The following VPS13B variants were observed in gnomAD, a reference collection of about 807,000 sequenced individuals.
VPS13B encodes vacuolar protein sorting 13 homolog B.
In VPS13B, 285 loss-of-function variants were observed where a neutral mutation model predicts 426.4. The observed-to-expected ratio is 0.67, with a 90% CI of 0.61 to 0.74. The LOEUF is 0.74. Ranked by LOEUF, VPS13B falls within the 30% of genes least tolerant of loss-of-function variation. The pLI is 0.00. For synonymous variants in VPS13B, 1,676 were observed against 1,676.4 expected, an observed-to-expected ratio of 1.00 and a Z score of 0.01; for missense variants, 4,537 against 4,782.6, an observed-to-expected ratio of 0.95 and a Z score of 1.51.
intron 24 of VPS13B, among the ~76,000 whole-genome samples, chr8:99,471,043 C>T (rs1019810182): frequency 1.3e-5 from 2 of 151,866 alleles, no homozygotes; most frequent in Non-Finnish European, 2.9e-5. Context: ...AACTGTTAAC[C>T]TAGTGAAGAT....
intron 17 of VPS13B, among the ~76,000 whole-genome samples, chr8:99,210,527 A>G (rs1372669347): frequency 6.6e-6 from 1 of 152,170 alleles, no homozygotes. Context: ...TTAGACATAG[A>G]ACATTCTCGA....
At position 99,577,625 on chromosome 8, in the gene VPS13B, G is replaced by A; in HGVS notation, c.5212G>A (p.Ala1738Thr). 6.2e-7 allele frequency: 1 copy of A among 1,613,534 alleles called. No individual in the cohort carries two copies. Residue 1738 changes from alanine (A) to threonine (T), a missense_variant, in exon 33 of 62, where the codon GCT becomes ACT. By Grantham distance (58) the Ala-to-Thr change is moderately conservative. Coordinates refer to ENST00000357162, the MANE Select transcript of VPS13B (RefSeq NM_152564.5). ...NMTGLEPSNKAAEISKQEQKK... is the reference protein window; with the variant it reads ...NMTGLEPSNKTAEISKQEQKK... ...GACTGGACTGGAACCATCAAACAAG[G>A]CTGCAGAGGTAACTGTTACCTGATT...
intron 3 of VPS13B, among the ~76,000 whole-genome samples, chr8:99,063,269 C>T (rs1473110707): frequency 5.3e-5 from 8 of 152,184 alleles, no homozygotes; most frequent in South Asian, 4.1e-4. Context: ...GGCGGGGCGT[C>T]GCCTCACCCG....
chr8:99,277,505 ATGAT>A (rs1818959933), intron 19 of VPS13B, among the ~76,000 whole-genome samples: 1 of 152,190 alleles, frequency 6.6e-6, no homozygotes, highest in Non-Finnish European at 1.5e-5. Context: ...ATATGTGAGT[ATGAT>A]TGATGTTATA....
At position 99,663,169 on chromosome 8, in the gene VPS13B, G is replaced by A. The variant is rs575189598; in HGVS notation, c.6046+1678G>A. 2.6e-5 allele frequency among the ~76,000 whole-genome samples: 4 copies of A among 152,306 alleles called. No individual in the cohort carries two copies. In the East Asian group the frequency reaches 7.7e-4, roughly 29 times the overall value. On this transcript the variant is annotated intron_variant, in intron 35 of 61. Coordinates refer to ENST00000357162, the MANE Select transcript of VPS13B (RefSeq NM_152564.5). ...GGAAAAATATTTATATATAGACTTT[G>A]TTGAGTACATGTGTTGTGGCGTGCT...
chr8:99,858,115 G>A lies in VPS13B; in HGVS notation c.10868-1189G>A, dbSNP rs117725009. Among the ~76,000 whole-genome samples the A allele has an allele frequency of 3.0e-4, 45 of 152,296 alleles. No individual in the cohort carries two copies. In the East Asian group the frequency reaches 8.7e-3, roughly 30 times the overall value. ...AGAGCCTGCTGGTGAAGGAGGGATG[G>A]CTCCCACCCAGTCCTGTCCCCACAG... On this transcript the variant is annotated intron_variant, in intron 56 of 61. Transcript: ENST00000357162.
chr8:99,783,993 A>G (rs1287980894), intron 42 of VPS13B, among the ~76,000 whole-genome samples: 1 of 152,236 alleles, frequency 6.6e-6, no homozygotes, highest in African/African-American at 2.4e-5. Context: ...ACTACCCAGT[A>G]CAGCACTGTT....
At chr8:99,384,682 A>T (rs1481628919) in intron 20 of VPS13B, among the ~76,000 whole-genome samples, 1 of 152,126 alleles carries the variant, frequency 6.6e-6, no homozygotes, top group Non-Finnish European at 1.5e-5. Context: ...TTGTTTTGAG[A>T]CACAGTTTCA....
At chr8:99,755,066 A>G (rs771032312) in intron 39 of VPS13B, among the ~76,000 whole-genome samples, 5 of 152,162 alleles carry the variant, frequency 3.3e-5, no homozygotes, top group African/African-American at 7.2e-5. Context: ...AAAAGCTCCA[A>G]CATATTCCTG....
At chr8:99,712,963 C>A (rs1055475251) in intron 36 of VPS13B, among the ~76,000 whole-genome samples, 2 of 151,990 alleles carry the variant, frequency 1.3e-5, no homozygotes, top group African/African-American at 4.8e-5. Context: ...AAGAGGTAGG[C>A]ACTTTGCAAG....
At chr8:99,774,579 A>T (rs895613263) in intron 40 of VPS13B, among the ~76,000 whole-genome samples, 2 of 152,226 alleles carry the variant, frequency 1.3e-5, no homozygotes, top group African/African-American at 4.8e-5. Flanking sequence ...AAAAATGCTC[A>T]AACTGTGTAC....
chr8:99,049,990 CCTT>C (rs1384871032), intron 3 of VPS13B, among the ~76,000 whole-genome samples: 1 of 150,826 alleles, frequency 6.6e-6, no homozygotes, highest in Non-Finnish European at 1.5e-5. Flanking sequence ...TTTTGCCTTT[CCTT>C]CTTTTATTTT....
intron 17 of VPS13B, chr8:99,234,597 G>C: frequency 2.5e-6 from 1 of 400,326 alleles, no homozygotes; most frequent in Admixed American, 3.5e-5. Context: ...CGAGAGTTGG[G>C]TAGTGCGCTC....
intron 17 of VPS13B, among the ~76,000 whole-genome samples, chr8:99,197,154 T>A (rs1027749797): frequency 2.6e-5 from 4 of 152,220 alleles, no homozygotes; most frequent in African/African-American, 9.6e-5. Context: ...GAACCATCCT[T>A]GCATCCCAAG....
At chr8:99,564,778 T>A (rs1242479457) in intron 31 of VPS13B, among the ~76,000 whole-genome samples, 1 of 152,254 alleles carries the variant, frequency 6.6e-6, no homozygotes, top group Non-Finnish European at 1.5e-5. Flanking sequence ...TTGAAGTGGT[T>A]CTTTGGCTTG....
chr8:99,582,080 C>A (rs918785639), intron 33 of VPS13B, among the ~76,000 whole-genome samples: 2 of 152,170 alleles, frequency 1.3e-5, no homozygotes, highest in South Asian at 4.2e-4. Context: ...CACTACTCAG[C>A]CTTGATTTCT....
intron 21 of VPS13B, among the ~76,000 whole-genome samples, chr8:99,399,640 T>C (rs942382394): frequency 2.0e-5 from 3 of 152,210 alleles, no homozygotes; most frequent in Non-Finnish European, 4.4e-5. Flanking sequence ...GCCGTATCTA[T>C]CAAATGCATT....
intron 25 of VPS13B, among the ~76,000 whole-genome samples, chr8:99,496,437 G>T (rs1267986631): frequency 6.6e-6 from 1 of 152,130 alleles, no homozygotes; most frequent in Non-Finnish European, 1.5e-5. Context: ...AGATCACGAG[G>T]TCAGGAGATC....
chr8:99,760,817 T>A (rs184001172), intron 39 of VPS13B, among the ~76,000 whole-genome samples: 219 of 152,358 alleles, frequency 1.4e-3, no homozygotes, highest in African/African-American at 4.9e-3. Flanking sequence ...ACTTTTCTTG[T>A]CATTATTTCC....
Sources: gnomAD v4.1 joint callset for allele counts (sites outside exome capture counted in the v4.1 genomes callset) on GRCh38, gnomAD v4.1.1 for gene constraint, MANE v1.5 for transcripts, NCBI Gene and HGNC (gene_info 2026-07-23, HGNC 2026-07-21) for gene names.